Variants in NREP observed in about 807,000 individuals in gnomAD.
NREP encodes neuronal regeneration-related protein.
In NREP, 5 loss-of-function variants were observed where a neutral mutation model predicts 8.6. That is an observed-to-expected ratio of 0.58 (90% confidence interval 0.30 to 1.22). The LOEUF is 1.22. Ranked by LOEUF, NREP falls within the 50% of genes most tolerant of loss-of-function variation. The pLI is 0.07. For synonymous variants in NREP, 27 were observed against 28.0 expected (o/e 0.96, Z 0.11); for missense variants, 86 against 82.5 (o/e 1.04, Z -0.17).
intron 2 of NREP, among the ~76,000 whole-genome samples, chr5:111,874,666 G>C (rs1581180707): frequency 6.6e-6 from 1 of 152,182 alleles, no homozygotes; most frequent in African/African-American, 2.4e-5. Context: ...TAGAGGAAGA[G>C]AGACACTTCT....
In NREP at chr5:111,730,860, A is replaced by G. The variant is rs948812822; in HGVS notation, c.*61T>C. ...ATTTACACAGAAAAAAATCCCATAT[A>G]TGATACCATGACCTCATCAATACCC... On this transcript the variant is annotated 3_prime_UTR_variant, in exon 4 of 4. Coordinates refer to ENST00000257435, the MANE Select transcript of NREP (RefSeq NM_004772.4). 2.6e-6 allele frequency: 4 copies of G among 1,566,012 alleles called. No homozygotes were observed. The highest frequency in any genetic ancestry group is 2.3e-5 in the East Asian group (1 of 44,158).
In NREP at chr5:111,967,675, C is replaced by T. The variant is rs562850406; in HGVS notation, c.135+7599G>A. Among the ~76,000 whole-genome samples, 6 of 151,914 alleles carry T rather than the reference C, an allele frequency of 3.9e-5. No homozygotes were observed. In the South Asian group the frequency reaches 8.4e-4, roughly 21 times the overall value. On this transcript the variant is annotated intron_variant, in intron 2 of 3. Coordinates refer to the NREP transcript ENST00000395634. ...GTGAGGAGCGCCTCTGCCCAGCTGC[C>T]GCCCCATCTGGGATGTGAGGATCGC...
intron 2 of NREP, among the ~76,000 whole-genome samples, chr5:111,913,061 C>T (rs1182582118): frequency 6.6e-6 from 1 of 151,992 alleles, no homozygotes; most frequent in African/African-American, 2.4e-5. Context: ...GTACAGCAGC[C>T]AATATCTTGA....
At chr5:111,736,712 T>G (rs60756957) in intron 2 of NREP, among the ~76,000 whole-genome samples, 1 of 152,186 alleles carries the variant, frequency 6.6e-6, no homozygotes, top group Non-Finnish European at 1.5e-5. Context: ...CCAGTGACAT[T>G]TGTAGCACAT....
intron 2 of NREP, among the ~76,000 whole-genome samples, chr5:111,909,081 T>G (rs1169519000): frequency 6.6e-6 from 1 of 152,126 alleles, no homozygotes; most frequent in East Asian, 1.9e-4. Context: ...GCTTTTTGGT[T>G]TTTGCTTGTT....
At chr5:111,762,743 GA>G (rs1223814411) in intron 2 of NREP, among the ~76,000 whole-genome samples, 1 of 152,186 alleles carries the variant, frequency 6.6e-6, no homozygotes, top group Non-Finnish European at 1.5e-5. Context: ...GTAAAGAAAT[GA>G]ATGCCTGTTG....
upstream of NREP, chr5:111,758,038 C>A: frequency 1.0e-6 from 1 of 985,472 alleles, no homozygotes. Context: ...GAAAATGGTG[C>A]CTGCGGCGGC....
intron 1 of NREP, chr5:111,976,691 T>C: frequency 6.5e-7 from 1 of 1,546,310 alleles, no homozygotes; most frequent in Non-Finnish European, 8.8e-7. Flanking sequence ...GCATACACAG[T>C]AAGTTATTCT....
At chr5:111,844,264 T>C (rs945718253) in intron 2 of NREP, among the ~76,000 whole-genome samples, 1 of 152,082 alleles carries the variant, frequency 6.6e-6, no homozygotes, top group Non-Finnish European at 1.5e-5. Context: ...TGACATAAAA[T>C]TCTATATTTA....
chr5:111,772,336 A>G (rs747480618), intron 2 of NREP, among the ~76,000 whole-genome samples: 35 of 152,210 alleles, frequency 2.3e-4, no homozygotes, highest in Non-Finnish European at 2.1e-4. Context: ...TAAACTCTTC[A>G]GTAGTTTTGA....
intron 2 of NREP, among the ~76,000 whole-genome samples, chr5:111,791,421 A>AT (rs748979253): frequency 2.3e-4 from 35 of 151,742 alleles, no homozygotes; most frequent in East Asian, 3.9e-4. Context: ...TGTAAGTCTG[A>AT]TTTTTTTTTA....
At chr5:111,823,285 G>C (rs1489495331) in intron 2 of NREP, among the ~76,000 whole-genome samples, 5 of 152,124 alleles carry the variant, frequency 3.3e-5, no homozygotes, top group Non-Finnish European at 7.4e-5. Flanking sequence ...CCTCCCACAA[G>C]ACCCACCTCC....
At chr5:111,952,630 C>T (rs974298100) in intron 2 of NREP, among the ~76,000 whole-genome samples, 8 of 152,038 alleles carry the variant, frequency 5.3e-5, no homozygotes, top group Non-Finnish European at 7.4e-5. Context: ...TTGGAACATA[C>T]CCAGAGCATT....
intron 2 of NREP, among the ~76,000 whole-genome samples, chr5:111,906,035 TC>T (rs1446162675): frequency 6.6e-6 from 1 of 152,078 alleles, no homozygotes; most frequent in African/African-American, 2.4e-5. Flanking sequence ...AGATTAGAGC[TC>T]ATTTAAAAAT....
chr5:111,851,291 T>A (rs1281065373), intron 2 of NREP, among the ~76,000 whole-genome samples: 1 of 152,196 alleles, frequency 6.6e-6, no homozygotes, highest in African/African-American at 2.4e-5. Context: ...CTTACTTAAA[T>A]CCTGCTCATT....
chr5:111,814,334 A>G lies in NREP; in HGVS notation c.136-78827T>C, dbSNP rs1484632153. Among the ~76,000 whole-genome samples the G allele has an allele frequency of 7.2e-5, 11 of 152,310 alleles. 1 individual carries two copies. The South Asian group carries it at 2.3e-3, about 32-fold the overall frequency. Reference sequence around the variant, plus strand: ...ATCAAGATACAAGGAAGAGGCAAACATCTGAAAGACATTTCTTATTCATCT... The same window carrying G: ...ATCAAGATACAAGGAAGAGGCAAACGTCTGAAAGACATTTCTTATTCATCT... On this transcript the variant is annotated intron_variant, in intron 2 of 3. Coordinates refer to the NREP transcript ENST00000395634.
At chr5:111,820,264 G>A (rs1023336751) in intron 2 of NREP, among the ~76,000 whole-genome samples, 1 of 152,176 alleles carries the variant, frequency 6.6e-6, no homozygotes, top group Non-Finnish European at 1.5e-5. Flanking sequence ...GATACAAGAA[G>A]GCAGAGCGCC....
intron 2 of NREP, among the ~76,000 whole-genome samples, chr5:111,747,536 G>A (rs1750084861): frequency 6.6e-6 from 1 of 152,088 alleles, no homozygotes; most frequent in Non-Finnish European, 1.5e-5. Flanking sequence ...AGCTGGAGCT[G>A]GCAGCCACAG....
chr5:111,844,153 G>A (rs1385743338), intron 2 of NREP, among the ~76,000 whole-genome samples: 1 of 151,958 alleles, frequency 6.6e-6, no homozygotes, highest in Admixed American at 6.6e-5. Flanking sequence ...TAGAATAAAA[G>A]AGTTATAAAG....
Sources: gnomAD v4.1 joint callset for allele counts (sites outside exome capture counted in the v4.1 genomes callset) on GRCh38, gnomAD v4.1.1 for gene constraint, MANE v1.5 for transcripts, NCBI Gene and HGNC (gene_info 2026-07-23, HGNC 2026-07-21) for gene names.